The following INCENP variants were observed in gnomAD, a reference collection of about 807,000 sequenced individuals.
INCENP encodes inner centromere protein, also known as binds and activates aurora-B and -C in vivo and in vitro.
In INCENP, 43 loss-of-function variants were observed where a neutral mutation model predicts 107.3. The observed-to-expected ratio is 0.40, with a 90% CI of 0.31 to 0.52. The LOEUF is 0.52. Ranked by LOEUF, INCENP falls within the 20% of genes least tolerant of loss-of-function variation. The pLI is 0.53. For synonymous variants in INCENP, 488 were observed against 494.4 expected (o/e 0.99, Z 0.17); for missense variants, 1,089 against 1,250.9 (o/e 0.87, Z 1.95).
At chr11:62,131,386 A>G (rs1049648566) in intron 4 of INCENP, among the ~76,000 whole-genome samples, 1 of 152,222 alleles carries the variant, frequency 6.6e-6, no homozygotes, top group African/African-American at 2.4e-5. Context: ...GGACTCGGTA[A>G]TGTTAGCTGC....
Position 62,140,720 on chromosome 11 carries a change from A to G in INCENP, c.1360A>G (p.Lys454Glu). 1 of 1,580,210 alleles carries G rather than the reference A, an allele frequency of 6.3e-7. No individual in the cohort carries two copies. Among genetic ancestry groups the G allele is most frequent in the Non-Finnish European group, 8.6e-7 (1 of 1,163,960 alleles). ...CCTTGGCAGGAGGAAGCGCAGCTAC[A>G]AGCAGGCCGTGAGTGAGCTGGACGA... ...PQSARRKRSY[K>E]QAVSELDEEQ... Residue 454 changes from lysine to glutamate, a missense_variant, in exon 9 of 19, where the codon AAG (lysine) becomes GAG (glutamate). Coordinates refer to ENST00000394818, the MANE Select transcript of INCENP (RefSeq NM_001040694.2).
chr11:62,138,586 G>C (rs1031373279), intron 5 of INCENP, 127 bp from the exon 6 acceptor site: 11 of 767,432 alleles, frequency 1.4e-5, no homozygotes, highest in Middle Eastern at 3.4e-4. Flanking sequence ...CTGTGGGTTC[G>C]TGGCCCTGGC....
At chr11:62,146,607 C>G in intron 14 of INCENP, 51 bp from the exon 15 acceptor site, 3 of 1,545,564 alleles carry the variant, frequency 1.9e-6, no homozygotes, top group Non-Finnish European at 2.6e-6. Context: ...TGCTGTCCTG[C>G]CTCTCTGGCC....
chr11:62,151,180 A>G (rs1481522829), intron 18 of INCENP, among the ~76,000 whole-genome samples: 1 of 152,180 alleles, frequency 6.6e-6, no homozygotes, highest in East Asian at 1.9e-4. Context: ...GACATGAGTG[A>G]GCTCACGGCT....
chr11:62,135,753 C>G (rs1255644429), intron 4 of INCENP, among the ~76,000 whole-genome samples: 1 of 152,214 alleles, frequency 6.6e-6, no homozygotes, highest in East Asian at 1.9e-4. Context: ...ATGCTGTGAC[C>G]CTGCTGGTGG....
rs142399783 is a variant in INCENP, at chr11:62,130,108, G to A, written c.581G>A (p.Arg194His). ...TQLMSTEPLP[R>H]TLSPTPASAT... ...CTCATGTCCACCGAGCCTCTGCCCCGCACTCTGTCCCCGACTCCAGCTTCA... is the reference window on the plus strand; with the variant it reads ...CTCATGTCCACCGAGCCTCTGCCCCACACTCTGTCCCCGACTCCAGCTTCA... Residue 194 changes from arginine to histidine, a missense_variant, in exon 4 of 19, where the codon CGC (arginine) becomes CAC (histidine). Coordinates refer to ENST00000394818, the MANE Select transcript of INCENP (RefSeq NM_001040694.2). The A allele has an allele frequency of 2.9e-5, 47 of 1,613,290 alleles. No individual in the cohort carries two copies. The highest frequency in any genetic ancestry group is 2.0e-4 in the African/African-American group (15 of 74,870).
chr11:62,140,886 A>T (rs756696641), intron 9 of INCENP, 27 bp from the exon 10 acceptor site: 3 of 1,613,774 alleles, frequency 1.9e-6, no homozygotes, highest in Non-Finnish European at 2.5e-6. Flanking sequence ...CCGCCTGCCC[A>T]CTTCTGACCC....
intron 10 of INCENP, 66 bp from the exon 11 acceptor site, chr11:62,141,434 G>T: frequency 6.2e-7 from 1 of 1,604,746 alleles, no homozygotes; most frequent in Non-Finnish European, 8.5e-7. Flanking sequence ...TGGGCATGTG[G>T]CCTGCCCGGC....
Position 62,140,936 on chromosome 11 carries a change from T to C in INCENP, c.1485T>C (p.Phe495=), listed in dbSNP as rs568781803. Residue 495 remains phenylalanine, a synonymous_variant, in exon 10 of 19, where the codon TTT becomes TTC. Transcript: ENST00000394818. ...AGGTGGTACGGCCCCTCCGGACCTT[T>C]CTGCACACAGTGCAGAGGAACCAGA... The part of the protein sequence containing the change: ...ASKVVRPLRT[F]LHTVQRNQML... 1.9e-6 allele frequency: 3 copies of C among 1,614,258 alleles called. No homozygotes were observed. The highest frequency in any genetic ancestry group is 2.5e-6 in the Non-Finnish European group (3 of 1,180,042).
intron 7 of INCENP, 123 bp from the exon 8 acceptor site, chr11:62,140,111 C>T (rs763213513): frequency 2.5e-6 from 2 of 795,370 alleles, no homozygotes; most frequent in South Asian, 1.5e-5. Flanking sequence ...CCCGGAGCTG[C>T]CAGGAAGGGA....
intron 2 of INCENP, 54 bp downstream of exon 2, chr11:62,128,355 T>C (rs1369574005): frequency 6.2e-7 from 1 of 1,607,866 alleles, no homozygotes; most frequent in African/African-American, 1.3e-5. Flanking sequence ...CTGGGCTGCT[T>C]TGGTCTTGGG....
intron 1 of INCENP, among the ~76,000 whole-genome samples, chr11:62,127,669 T>C (rs543230173): frequency 6.6e-6 from 1 of 152,296 alleles, no homozygotes; most frequent in South Asian, 2.1e-4. Context: ...AGCTTGTATG[T>C]AGTGCAGGGT....
rs776691998 is a variant in INCENP at position 62,137,881 on chromosome 11, T to C, written c.1113T>C (p.Val371=). The change falls in exon 5 of 19, where the codon GTT becomes GTC. Residue 371 remains valine, a splice_region_variant and synonymous_variant. Coordinates refer to ENST00000394818, the MANE Select transcript of INCENP (RefSeq NM_001040694.2). The stretch of plus-strand genomic sequence containing the variant: ...TGAATGTTGAGGTGCCCCAGAAAGT[T>C]GGGTGAGTTCAGTTCCAGGGCTTCG... ...RLLNVEVPQK[V]GSEQKEPPEE... 1.7e-5 allele frequency: 27 copies of C among 1,613,876 alleles called. No individual in the cohort carries two copies. The highest frequency in any genetic ancestry group is 3.3e-4 in the Middle Eastern group (2 of 6,078).
intron 11 of INCENP, among the ~76,000 whole-genome samples, chr11:62,142,769 A>G (rs999274891): frequency 1.3e-5 from 2 of 152,218 alleles, no homozygotes; most frequent in South Asian, 4.1e-4. Flanking sequence ...GGTGTGTGCC[A>G]GTCAGCAGTC....
chr11:62,128,346 T>C (rs754801530), intron 2 of INCENP, 45 bp downstream of exon 2: 2 of 1,611,162 alleles, frequency 1.2e-6, no homozygotes, highest in Non-Finnish European at 1.7e-6. Context: ...AGGGCCTGTC[T>C]GGGCTGCTTT....
chr11:62,128,212 G>A lies in INCENP; in HGVS notation c.51G>A (p.Gln17=). 2.5e-6 allele frequency: 4 copies of A among 1,614,214 alleles called. No homozygotes were observed. The South Asian group carries it at 3.3e-5, about 13-fold the overall frequency. ...TTCACCTGCTGGAGCTATGTGACCA[G>A]AAGCTCATGGAGTTTCTCTGCAACA... ...GPIHLLELCD[Q]KLMEFLCNMD... is the part of the protein sequence containing the mutation. Residue 17 remains glutamine (Q), a synonymous_variant, in exon 2 of 19, where the codon CAG becomes CAA. Coordinates refer to ENST00000394818, the MANE Select transcript of INCENP (RefSeq NM_001040694.2).
In INCENP at chr11:62,130,281, C is replaced by A. The variant is rs149820986; in HGVS notation, c.754C>A (p.Arg252=). ...CAAGGGTCAAGGGGTCGGGACGGGG[C>A]GGTCTGCGTCTAAGCTCAGGATTGC... is the stretch of plus-strand genomic sequence containing the variant. ...DPKGQGVGTG[R]SASKLRIAQV... is the part of the protein sequence containing the mutation. The change falls in exon 4 of 19, where the codon CGG becomes AGG. Residue 252 remains arginine (R), a synonymous_variant. Coordinates refer to ENST00000394818, the MANE Select transcript of INCENP (RefSeq NM_001040694.2). 6.2e-7 allele frequency: 1 copy of A among 1,612,384 alleles called. No homozygotes were observed. The highest frequency in any genetic ancestry group is 2.2e-5 in the East Asian group (1 of 44,872).
At chr11:62,150,903 A>AGACGCCCC (rs1944359115) in intron 18 of INCENP, among the ~76,000 whole-genome samples, 1 of 152,128 alleles carries the variant, frequency 6.6e-6, no homozygotes, top group East Asian at 1.9e-4. Context: ...CCCCAGAGGG[A>AGACGCCCC]AGGGCCTGGA....
intron 7 of INCENP, among the ~76,000 whole-genome samples, chr11:62,139,710 C>CA (rs1944069867): frequency 6.6e-6 from 1 of 152,234 alleles, no homozygotes; most frequent in Non-Finnish European, 1.5e-5. Context: ...CTCCTGCTGT[C>CA]AGGGCCACAC....
Sources: allele counts gnomAD v4.1 joint callset (sites outside exome capture counted in the v4.1 genomes callset), GRCh38; gene constraint gnomAD v4.1.1; transcripts MANE v1.5; gene names NCBI Gene and HGNC (gene_info 2026-07-23, HGNC 2026-07-21).